The following MEIS1 variants were observed in gnomAD, a reference collection of about 807,000 sequenced individuals.
MEIS1 encodes the protein Meis homeobox 1.
In MEIS1, 5 loss-of-function variants were observed where a neutral mutation model predicts 50.8. The ratio of observed to expected loss-of-function variants is 0.10; its 90% confidence interval spans 0.05 to 0.21. MEIS1 has a LOEUF of 0.21. Among genes scored for constraint, MEIS1 ranks in the 10% least tolerant of loss-of-function variants. MEIS1 has a pLI of 1.00. For missense variants in MEIS1, 318 were observed against 517.3 expected, an observed-to-expected ratio of 0.61 and a Z score of 3.74; for synonymous variants, 176 against 179.3, an observed-to-expected ratio of 0.98 and a Z score of 0.15.
chr2:66,496,182 C>T (rs1323971314), intron 7 of MEIS1: 1 of 152,210 alleles, frequency 6.6e-6, no homozygotes, highest in Non-Finnish European at 1.5e-5. Context: ...ACTTCTTTCT[C>T]ACCCAAGATA....
At chr2:66,561,815 G>GCCTA (rs1292226872) in intron 9 of MEIS1, among the ~76,000 whole-genome samples, 1 of 152,030 alleles carries the variant, frequency 6.6e-6, no homozygotes, top group Non-Finnish European at 1.5e-5. Flanking sequence ...GTTCACTTAC[G>GCCTA]CCTAGTTGGC....
At chr2:66,552,901 G>A in intron 9 of MEIS1, among the ~76,000 whole-genome samples, 1 of 151,962 alleles carries the variant, frequency 6.6e-6, no homozygotes, top group East Asian at 1.9e-4. Flanking sequence ...GGGGTCATAG[G>A]GTTTCATAGA....
chr2:66,521,976 G>A (rs4316926), intron 8 of MEIS1, among the ~76,000 whole-genome samples: 89,033 of 152,048 alleles, frequency 0.59, 26,749 homozygotes, highest in South Asian at 0.78. Context: ...GTCACCCATC[G>A]TACAATATTT....
At chr2:66,457,059 G>A (rs1246523363) in intron 6 of MEIS1, among the ~76,000 whole-genome samples, 8 of 151,098 alleles carry the variant, frequency 5.3e-5, no homozygotes, top group African/African-American at 2.0e-4. Flanking sequence ...ATGCTCAAAA[G>A]GTAAGAGCAG....
chr2:66,566,093 T>G (rs1223128052), intron 9 of MEIS1, among the ~76,000 whole-genome samples: 1 of 152,196 alleles, frequency 6.6e-6, no homozygotes, highest in Non-Finnish European at 1.5e-5. Context: ...TAAATATTTT[T>G]ATTAGCAGTT....
chr2:66,527,681 A>G lies in MEIS1; in HGVS notation c.888+15387A>G, dbSNP rs564520732. 8.7e-5 allele frequency among the ~76,000 whole-genome samples: 13 copies of G among 150,256 alleles called. 1 individual carries two copies. The highest frequency in any genetic ancestry group is 1.9e-4 in the Non-Finnish European group (13 of 67,816). On this transcript the variant is annotated intron_variant, in intron 8 of 12. Coordinates refer to ENST00000272369, the MANE Select transcript of MEIS1 (RefSeq NM_002398.3). ...GGATCATGCTGGCATTAGGGCCTTT[A>G]TCTATGAATACCTTATGCTTTTTGG...
intron 8 of MEIS1, among the ~76,000 whole-genome samples, chr2:66,523,253 G>A (rs1159034448): frequency 1.3e-5 from 2 of 152,210 alleles, no homozygotes; most frequent in African/African-American, 4.8e-5. Context: ...GGCCAGCATA[G>A]TCTTGGTTTT....
intron 8 of MEIS1, among the ~76,000 whole-genome samples, chr2:66,513,420 T>C (rs1030805232): frequency 2.6e-5 from 4 of 152,212 alleles, no homozygotes; most frequent in African/African-American, 7.2e-5. Flanking sequence ...TTCAAAGCCA[T>C]GTTCCTCAGT....
At chr2:66,445,511 GCCTCT>G (rs1672110979) in intron 6 of MEIS1, among the ~76,000 whole-genome samples, 1 of 152,234 alleles carries the variant, frequency 6.6e-6, no homozygotes, top group South Asian at 2.1e-4. Flanking sequence ...AGGAAGGATG[GCCTCT>G]CCACCTGTCT....
chr2:66,482,575 T>G (rs1673044136), intron 7 of MEIS1, among the ~76,000 whole-genome samples: 1 of 152,230 alleles, frequency 6.6e-6, no homozygotes. Context: ...AGGAAGGATC[T>G]TTAGAAGAAA....
At chr2:66,489,060 C>T (rs1166483709) in intron 7 of MEIS1, among the ~76,000 whole-genome samples, 1 of 152,188 alleles carries the variant, frequency 6.6e-6, no homozygotes, top group African/African-American at 2.4e-5. Context: ...TGAACCTCTT[C>T]CATTGTTTTT....
In MEIS1 at chr2:66,435,156, C is replaced by G. The variant is rs927879453; in HGVS notation, c.-701C>G. ...GTCGGAATCCACCTCTCCGCCTGTGCAACACACACTTTACACACGCACGGG... is the reference window on the plus strand; with the variant it reads ...GTCGGAATCCACCTCTCCGCCTGTGGAACACACACTTTACACACGCACGGG... On this transcript the variant is annotated 5_prime_UTR_variant, in exon 1 of 13. Coordinates refer to ENST00000272369, the MANE Select transcript of MEIS1 (RefSeq NM_002398.3). The G allele has an allele frequency of 6.6e-6, 1 of 152,574 alleles. No homozygotes were observed. Among genetic ancestry groups the G allele is most frequent in the African/African-American group, 2.4e-5 (1 of 41,466 alleles). The allele number at this position is 152,574 out of a possible 1,614,324, so 9.5% of individuals were successfully genotyped here.
intron 8 of MEIS1, among the ~76,000 whole-genome samples, chr2:66,542,192 A>G (rs973621174): frequency 1.3e-5 from 2 of 152,178 alleles, no homozygotes; most frequent in Non-Finnish European, 2.9e-5. Context: ...GGTTATTTTC[A>G]TTTAGATCCA....
intron 7 of MEIS1, among the ~76,000 whole-genome samples, chr2:66,480,631 G>T (rs1235045454): frequency 8.0e-6 from 1 of 125,370 alleles, no homozygotes; most frequent in Non-Finnish European, 1.6e-5. Context: ...ACAAGTCTTG[G>T]GTACGTTTTT....
intron 7 of MEIS1, among the ~76,000 whole-genome samples, chr2:66,511,605 A>C (rs745558214): frequency 6.6e-6 from 1 of 152,212 alleles, no homozygotes; most frequent in Non-Finnish European, 1.5e-5. Context: ...AAGAAAAATT[A>C]TATTTTATTT....
At chr2:66,564,360 G>A (rs1054582190) in intron 9 of MEIS1, among the ~76,000 whole-genome samples, 1 of 152,134 alleles carries the variant, frequency 6.6e-6, no homozygotes, top group Non-Finnish European at 1.5e-5. Context: ...TGGCTAAGAG[G>A]CTGTGGTATT....
chr2:66,566,013 C>A (rs901538061), intron 9 of MEIS1, among the ~76,000 whole-genome samples: 3 of 152,040 alleles, frequency 2.0e-5, no homozygotes, highest in African/African-American at 7.3e-5. Flanking sequence ...TCACATGATT[C>A]CAGTTTTCAT....
chr2:66,559,450 G>T (rs781461938), intron 9 of MEIS1, among the ~76,000 whole-genome samples: 9 of 152,090 alleles, frequency 5.9e-5, no homozygotes, highest in African/African-American at 9.7e-5. Context: ...ACTAGAATTT[G>T]CTTTAAATAG....
intron 7 of MEIS1, among the ~76,000 whole-genome samples, chr2:66,500,491 C>A (rs918848993): frequency 1.3e-5 from 2 of 152,140 alleles, no homozygotes; most frequent in African/African-American, 2.4e-5. Flanking sequence ...GTGGCTCGAT[C>A]TCCACTTGCT....
Sources: gnomAD v4.1 joint callset for allele counts (sites outside exome capture counted in the v4.1 genomes callset) on GRCh38, gnomAD v4.1.1 for gene constraint, MANE v1.5 for transcripts, NCBI Gene and HGNC (gene_info 2026-07-23, HGNC 2026-07-21) for gene names.